The following CFAP20 variants were observed in gnomAD, a reference collection of about 807,000 sequenced individuals.
The protein encoded by CFAP20 is cilia and flagella associated protein 20.
Under a neutral mutation model 25.5 loss-of-function variants are expected in CFAP20, and 14 were observed. The ratio of observed to expected loss-of-function variants is 0.55; its 90% CI spans 0.36 to 0.86. The LOEUF is 0.86. Among genes scored for constraint, CFAP20 ranks in the 40% least tolerant of loss-of-function variants. CFAP20 has a pLI of 0.01. For synonymous variants in CFAP20, 75 were observed against 91.1 expected, an observed-to-expected ratio of 0.82 and a Z score of 1.01; for missense variants, 181 against 248.0, an observed-to-expected ratio of 0.73 and a Z score of 1.81.
intron 1 of CFAP20, among the ~76,000 whole-genome samples, chr16:58,120,708 TAACA>T (rs1184624145): frequency 2.0e-5 from 3 of 152,184 alleles, no homozygotes; most frequent in Admixed American, 1.3e-4. Flanking sequence ...TGTTACTAGA[TAACA>T]AACACACTCA....
intron 4 of CFAP20, 154 bp from the exon 5 acceptor site, chr16:58,115,074 T>A: frequency 1.0e-6 from 1 of 968,774 alleles, no homozygotes; most frequent in Non-Finnish European, 1.6e-6. Flanking sequence ...AGGGAGGTCT[T>A]ACTTGCTGTA....
chr16:58,116,886 T>C lies in CFAP20; in HGVS notation c.150A>G (p.Glu50=). 1 of 1,614,152 alleles carries C rather than the reference T, an allele frequency of 6.2e-7. No individual in the cohort carries two copies. The highest frequency in any genetic ancestry group is 8.5e-7 in the Non-Finnish European group (1 of 1,179,982). ...NDIQSLVLEI[E]GTNVSTTYIT... is the part of the protein sequence containing the mutation. ...TGGCAACCTACCTTACATTTGTCCC[T>C]TCAATCTCTAGCACCAGGGACTGGA... Residue 50 remains glutamate (E), a synonymous_variant, in exon 2 of 6, where the codon GAA becomes GAG. Coordinates refer to ENST00000262498, the MANE Select transcript of CFAP20 (RefSeq NM_013242.3).
At chr16:58,129,006 C>G in intron 1 of CFAP20, 26 bp downstream of exon 1, 1 of 1,609,036 alleles carries the variant, frequency 6.2e-7, no homozygotes, top group Non-Finnish European at 8.5e-7. Context: ...CCCTCCACCC[C>G]GCCCCGTCGC....
Position 58,113,842 on chromosome 16 carries a change from T to C in CFAP20, c.*183A>G. 4.4e-6 allele frequency: 3 copies of C among 679,128 alleles called. No individual in the cohort carries two copies. The highest frequency in any genetic ancestry group is 7.6e-6 in the Non-Finnish European group (3 of 392,652). 42.1% of individuals were successfully genotyped at this position (679,128 alleles called of 1,614,324 possible). A position where few individuals can be genotyped will look rare whatever the true frequency, so the allele number is the denominator to read the frequency against. ...CAGGACTGCTTACCCCCACTGCACT[T>C]ACAATGCAGTCACAGAGTTACGGCA... On this transcript the variant is annotated 3_prime_UTR_variant, in exon 6 of 6. Transcript: ENST00000262498.
chr16:58,121,132 G>A, intron 1 of CFAP20, among the ~76,000 whole-genome samples: 1 of 152,158 alleles, frequency 6.6e-6, no homozygotes, highest in East Asian at 1.9e-4. Context: ...AAGGGGAGAG[G>A]CGACAGGCAA....
chr16:58,126,437 T>C (rs753549624), intron 1 of CFAP20, among the ~76,000 whole-genome samples: 9 of 152,194 alleles, frequency 5.9e-5, no homozygotes, highest in Non-Finnish European at 1.0e-4. Flanking sequence ...AGCGTTCACT[T>C]CTATGCAGAC....
intron 1 of CFAP20, among the ~76,000 whole-genome samples, chr16:58,126,364 A>T (rs958400236): frequency 6.6e-6 from 1 of 152,204 alleles, no homozygotes; most frequent in African/African-American, 2.4e-5. Context: ...GGTGTGACAA[A>T]CACTAACGAA....
At chr16:58,128,985 G>A (rs1960666944) in intron 1 of CFAP20, 47 bp downstream of exon 1, 20 of 1,563,916 alleles carry the variant, frequency 1.3e-5, no homozygotes, top group Non-Finnish European at 1.7e-5. Context: ...CGGACGAGGA[G>A]GGGGTGCAGC....
rs992810138 is a variant in CFAP20, at chr16:58,120,202, A to T, written c.85-3251T>A. On this transcript the variant is annotated intron_variant, in intron 1 of 5. Transcript: ENST00000262498. ...ACAAGATGCAAACACTACTTTTATA[A>T]CACACCACTAATTATTCTCAATAAC... Among the ~76,000 whole-genome samples the T allele has an allele frequency of 3.9e-5, 6 of 152,374 alleles. No individual in the cohort carries two copies. The East Asian group carries it at 9.6e-4, about 24-fold the overall frequency.
chr16:58,125,882 C>T (rs1960604328), intron 1 of CFAP20, among the ~76,000 whole-genome samples: 1 of 152,166 alleles, frequency 6.6e-6, no homozygotes. Flanking sequence ...ACTATTATGT[C>T]ACTAAGCGAC....
chr16:58,118,209 GTGGCTCA>G (rs1209417465), intron 1 of CFAP20, among the ~76,000 whole-genome samples: 1 of 152,260 alleles, frequency 6.6e-6, no homozygotes, highest in African/African-American at 2.4e-5. Context: ...GCCAGGCACA[GTGGCTCA>G]TGCCTGTAAT....
At chr16:58,122,482 T>C (rs1414885272) in intron 1 of CFAP20, among the ~76,000 whole-genome samples, 1 of 152,048 alleles carries the variant, frequency 6.6e-6, no homozygotes, top group Non-Finnish European at 1.5e-5. Flanking sequence ...CTCAGGAGGC[T>C]GAGGCAGGAG....
intron 1 of CFAP20, among the ~76,000 whole-genome samples, chr16:58,125,986 A>C (rs951803964): frequency 6.6e-6 from 1 of 152,214 alleles, no homozygotes; most frequent in African/African-American, 2.4e-5. Context: ...GCATGACTAC[A>C]TATACTGTAA....
In CFAP20 at chr16:58,129,145, C is replaced by T. The variant is rs1960671725; in HGVS notation, c.-30G>A. 3.1e-6 allele frequency: 5 copies of T among 1,611,286 alleles called. No individual in the cohort carries two copies. The highest frequency in any genetic ancestry group is 4.2e-6 in the Non-Finnish European group (5 of 1,179,012). On this transcript the variant is annotated 5_prime_UTR_variant, in exon 1 of 6. Coordinates refer to ENST00000262498, the MANE Select transcript of CFAP20 (RefSeq NM_013242.3). ...CCGGCGGCCTTCTCCTAAGCCGCCC[C>T]CGGAGCCGACCTAGGCCCCGGAGTA...
chr16:58,128,980 G>A (rs1320226969), intron 1 of CFAP20, 52 bp downstream of exon 1: 24 of 1,527,848 alleles, frequency 1.6e-5, no homozygotes, highest in Non-Finnish European at 1.9e-5. Flanking sequence ...GCCCCCGGAC[G>A]AGGAGGGGGT....
chr16:58,128,580 C>T (rs1305488709), intron 1 of CFAP20, among the ~76,000 whole-genome samples: 1 of 152,176 alleles, frequency 6.6e-6, no homozygotes, highest in African/African-American at 2.4e-5. Flanking sequence ...GGCACAAAAA[C>T]GGATATCAGT....
In CFAP20 at chr16:58,122,009, C is replaced by G. The variant is rs77893399; in HGVS notation, c.85-5058G>C. Among the ~76,000 whole-genome samples the G allele has an allele frequency of 4.4e-3, 671 of 152,300 alleles. 5 individuals are homozygous for G. Among genetic ancestry groups the G allele is most frequent in the Non-Finnish European group, 7.1e-3 (482 of 68,036 alleles). On this transcript the variant is annotated intron_variant, in intron 1 of 5. Transcript: ENST00000262498. ...GACACATGCTCTAATTTACATTAAA[C>G]CATTAGAGCTGTCCATTTCAGCAGG...
chr16:58,124,506 G>A lies in CFAP20; in HGVS notation c.84+4526C>T, dbSNP rs548461246. Among the ~76,000 whole-genome samples, 26 of 152,266 alleles carry A rather than the reference G, an allele frequency of 1.7e-4. No homozygotes were observed. In the East Asian group the frequency reaches 4.6e-3, roughly 27 times the overall value. On this transcript the variant is annotated intron_variant, in intron 1 of 5. Coordinates refer to ENST00000262498, the MANE Select transcript of CFAP20 (RefSeq NM_013242.3). ...AGACAGTACAACATCCTACACACCCGGGCCATATGGTATAGCCTATTGCCC... is the reference window on the plus strand; with the variant it reads ...AGACAGTACAACATCCTACACACCCAGGCCATATGGTATAGCCTATTGCCC...
At position 58,129,163 on chromosome 16, in the gene CFAP20, C is replaced by G; in HGVS notation, c.-48G>C. 1 of 1,600,480 alleles carries G rather than the reference C, an allele frequency of 6.2e-7. No homozygotes were observed. The highest frequency in any genetic ancestry group is 8.5e-7 in the Non-Finnish European group (1 of 1,171,974). On this transcript the variant is annotated 5_prime_UTR_variant, in exon 1 of 6. Coordinates refer to ENST00000262498, the MANE Select transcript of CFAP20 (RefSeq NM_013242.3). ...GCCGCCCCCGGAGCCGACCTAGGCCCCGGAGTAGATACAGGCACCGAGCGT... is the reference window on the plus strand; with the variant it reads ...GCCGCCCCCGGAGCCGACCTAGGCCGCGGAGTAGATACAGGCACCGAGCGT...
Sources: gnomAD v4.1 joint callset for allele counts (sites outside exome capture counted in the v4.1 genomes callset) on GRCh38, gnomAD v4.1.1 for gene constraint, MANE v1.5 for transcripts, NCBI Gene and HGNC (gene_info 2026-07-23, HGNC 2026-07-21) for gene names.